Variants in DPYD observed in about 807,000 individuals in gnomAD.
DPYD encodes dihydropyrimidine dehydrogenase [NADP(+)].
In DPYD, 109 loss-of-function variants were observed where a neutral mutation model predicts 116.2. The ratio of observed to expected loss-of-function variants is 0.94; its 90% CI spans 0.80 to 1.10. DPYD has a LOEUF of 1.10. DPYD is among the 50% of genes least tolerant of loss of function. The pLI, the probability that DPYD is intolerant of heterozygous loss-of-function variation, is 0.00. For synonymous variants in DPYD, 440 were observed against 432.0 expected (o/e 1.02, Z -0.23); for missense variants, 1,302 against 1,254.5 (o/e 1.04, Z -0.57).
chr1:97,358,677 G>A (rs1670550188), intron 16 of DPYD, among the ~76,000 whole-genome samples: 1 of 152,156 alleles, frequency 6.6e-6, no homozygotes, highest in Admixed American at 6.5e-5. Flanking sequence ...AGGGTCTGGA[G>A]TGGAGCTCCA....
chr1:97,686,111 T>C lies in DPYD; in HGVS notation c.762+5606A>G, dbSNP rs569371676. Among the ~76,000 whole-genome samples, 5 of 152,192 alleles carry C rather than the reference T, an allele frequency of 3.3e-5. No homozygotes were observed. In the South Asian group the frequency reaches 8.3e-4, roughly 25 times the overall value. ...TAAGGCTGCAGTAACCAAAACAGCA[T>C]GGTACTGGAAAAAAATAAACACATA... On this transcript the variant is annotated intron_variant, in intron 7 of 22. Coordinates refer to ENST00000370192, the MANE Select transcript of DPYD (RefSeq NM_000110.4).
At chr1:97,907,420 C>T (rs1387166313) in intron 1 of DPYD, among the ~76,000 whole-genome samples, 1 of 152,022 alleles carries the variant, frequency 6.6e-6, no homozygotes, top group Non-Finnish European at 1.5e-5. Flanking sequence ...TTATTTCTTC[C>T]AAACAACAAC....
intron 8 of DPYD, among the ~76,000 whole-genome samples, chr1:97,635,584 T>G (rs1318552798): frequency 6.6e-6 from 1 of 152,182 alleles, no homozygotes; most frequent in Admixed American, 6.6e-5. Flanking sequence ...ATGGATGCAT[T>G]TCTTAATCAA....
At chr1:97,542,572 A>C (rs1043278457) in intron 12 of DPYD, among the ~76,000 whole-genome samples, 3 of 152,100 alleles carry the variant, frequency 2.0e-5, no homozygotes, top group Middle Eastern at 3.2e-3. Context: ...TGCTGATTCC[A>C]CATCCTAATA....
chr1:97,475,874 C>A (rs904683016), intron 13 of DPYD, among the ~76,000 whole-genome samples: 1 of 152,168 alleles, frequency 6.6e-6, no homozygotes, highest in African/African-American at 2.4e-5. Flanking sequence ...AATACCTGAT[C>A]CAAGATAAAT....
chr1:97,697,436 G>C (rs753945380), intron 6 of DPYD, among the ~76,000 whole-genome samples: 2 of 152,030 alleles, frequency 1.3e-5, no homozygotes, highest in Non-Finnish European at 2.9e-5. Context: ...AGAGGCAGCC[G>C]TAAGTAGAAA....
intron 20 of DPYD, among the ~76,000 whole-genome samples, chr1:97,136,512 AT>A (rs768034712): frequency 1.3e-5 from 2 of 151,924 alleles, no homozygotes; most frequent in African/African-American, 2.4e-5. Flanking sequence ...ACGTAATGAG[AT>A]TTTTTTTCCC....
At chr1:97,298,635 T>C (rs1666679929) in intron 18 of DPYD, among the ~76,000 whole-genome samples, 1 of 152,172 alleles carries the variant, frequency 6.6e-6, no homozygotes, top group South Asian at 2.1e-4. Flanking sequence ...GATAGTCCTC[T>C]AGATTTAAGG....
At chr1:97,595,204 G>T in intron 8 of DPYD, 38 bp from the exon 9 acceptor site, 1 of 1,537,390 alleles carries the variant, frequency 6.5e-7, no homozygotes, top group Non-Finnish European at 9.0e-7. Context: ...TTAGCAGGAG[G>T]AGGGGCTTTT....
intron 8 of DPYD, among the ~76,000 whole-genome samples, chr1:97,661,463 A>G (rs1386565680): frequency 2.0e-5 from 3 of 152,196 alleles, no homozygotes; most frequent in African/African-American, 4.8e-5. Flanking sequence ...GGAGAATACA[A>G]TATTTAACTG....
intron 8 of DPYD, among the ~76,000 whole-genome samples, chr1:97,601,626 C>T (rs1655253441): frequency 6.6e-6 from 1 of 151,934 alleles, no homozygotes; most frequent in Non-Finnish European, 1.5e-5. Context: ...TCATCTGTCA[C>T]TTAAAGATCA....
chr1:97,096,316 GA>G lies in DPYD; in HGVS notation c.2766+2172del, dbSNP rs367765954. 1.3e-4 allele frequency among the ~76,000 whole-genome samples: 20 copies of G among 152,100 alleles called. No homozygotes were observed. The East Asian group carries it at 1.7e-3, about 13-fold the overall frequency. On this transcript the variant is annotated intron_variant, in intron 21 of 22. Transcript: ENST00000370192. ...CAATCTCTGAAAGATTTGAGGGCTA[GA>G]AAAGGTAAAAATGCTTTCATAATCA...
intron 18 of DPYD, chr1:97,295,820 T>A: frequency 2.2e-6 from 2 of 922,408 alleles, no homozygotes; most frequent in Non-Finnish European, 2.6e-6. Flanking sequence ...TTAGTTGTCA[T>A]AAAGTTGTGT....
At chr1:97,472,671 C>A (rs988512565) in intron 13 of DPYD, among the ~76,000 whole-genome samples, 1 of 152,152 alleles carries the variant, frequency 6.6e-6, no homozygotes, top group African/African-American at 2.4e-5. Context: ...TGACTACTCA[C>A]TTTTAGTAAA....
chr1:97,756,654 C>G (rs1272772593), intron 3 of DPYD, among the ~76,000 whole-genome samples: 1 of 152,014 alleles, frequency 6.6e-6, no homozygotes, highest in Non-Finnish European at 1.5e-5. Flanking sequence ...AACAACCCCA[C>G]AGAGAGGAAA....
chr1:97,796,568 C>A (rs1361378833), intron 3 of DPYD, among the ~76,000 whole-genome samples: 1 of 151,972 alleles, frequency 6.6e-6, no homozygotes, highest in African/African-American at 2.4e-5. Context: ...ATAAAAAATA[C>A]TCTACATTAA....
chr1:97,192,711 T>A (rs1290215981), intron 20 of DPYD, among the ~76,000 whole-genome samples: 2 of 152,208 alleles, frequency 1.3e-5, no homozygotes, highest in Admixed American at 1.3e-4. Context: ...GATTTGATTG[T>A]CTTGAAAATA....
chr1:97,737,664 T>C (rs1401174978), intron 4 of DPYD, among the ~76,000 whole-genome samples: 1 of 152,124 alleles, frequency 6.6e-6, no homozygotes, highest in Non-Finnish European at 1.5e-5. Context: ...CCAAATCTAT[T>C]GGTTACATTT....
intron 5 of DPYD, among the ~76,000 whole-genome samples, chr1:97,704,535 A>C (rs920686387): frequency 6.6e-6 from 1 of 151,996 alleles, no homozygotes; most frequent in African/African-American, 2.4e-5. Flanking sequence ...TATTTTTCAA[A>C]AATAATATTT....
Sources: gnomAD v4.1 joint callset for allele counts (sites outside exome capture counted in the v4.1 genomes callset) on GRCh38, gnomAD v4.1.1 for gene constraint, MANE v1.5 for transcripts, NCBI Gene and HGNC (gene_info 2026-07-23, HGNC 2026-07-21) for gene names.